Variants in FNDC3A observed in about 807,000 individuals in gnomAD.
FNDC3A encodes fibronectin type-III domain-containing protein 3A.
Under a neutral mutation model 148.9 loss-of-function variants are expected in FNDC3A, and 32 were observed. The ratio of observed to expected loss-of-function variants is 0.21; its 90% CI spans 0.16 to 0.29. The LOEUF is 0.29. Ranked by LOEUF, FNDC3A falls within the 10% of genes least tolerant of loss-of-function variation. FNDC3A has a pLI of 1.00. For synonymous variants in FNDC3A, 472 were observed against 473.6 expected (o/e 1.00, Z 0.04); for missense variants, 1,191 against 1,452.8 (o/e 0.82, Z 2.93).
intron 2 of FNDC3A, among the ~76,000 whole-genome samples, chr13:49,070,889 TTTTTGTTTTG>T (rs1566230739): frequency 2.8e-5 from 4 of 145,064 alleles, no homozygotes; most frequent in Non-Finnish European, 6.1e-5. Context: ...TTCTTTTTTT[TTTTTGTTTTG>T]TTTTTTTTCT....
chr13:49,017,109 C>G (rs988142776), intron 2 of FNDC3A, among the ~76,000 whole-genome samples: 1 of 152,082 alleles, frequency 6.6e-6, no homozygotes, highest in African/African-American at 2.4e-5. Flanking sequence ...CTGCAGATGT[C>G]TATTAGGTCT....
intron 2 of FNDC3A, among the ~76,000 whole-genome samples, chr13:49,033,315 A>G (rs992932140): frequency 6.6e-6 from 1 of 152,214 alleles, no homozygotes; most frequent in Non-Finnish European, 1.5e-5. Context: ...GTCATGTACA[A>G]CAGTAAGCCT....
chr13:49,008,981 T>C (rs1952281017), intron 2 of FNDC3A, among the ~76,000 whole-genome samples: 2 of 152,166 alleles, frequency 1.3e-5, no homozygotes, highest in Admixed American at 6.5e-5. Flanking sequence ...CCAGTATTGA[T>C]GCGTTATTAT....
intron 2 of FNDC3A, among the ~76,000 whole-genome samples, chr13:49,064,038 G>A (rs1877081945): frequency 6.6e-6 from 1 of 152,090 alleles, no homozygotes; most frequent in Non-Finnish European, 1.5e-5. Flanking sequence ...ACAGGTAAAG[G>A]ACATCAATAA....
intron 2 of FNDC3A, among the ~76,000 whole-genome samples, chr13:49,061,388 C>G: frequency 6.1e-5 from 1 of 16,302 alleles, no homozygotes; most frequent in Admixed American, 4.9e-4. Context: ...CCTTCCCTTC[C>G]CTTCCCTCCC....
At chr13:49,115,750 A>G (rs992899967) in intron 4 of FNDC3A, among the ~76,000 whole-genome samples, 8 of 152,082 alleles carry the variant, frequency 5.3e-5, no homozygotes, top group Non-Finnish European at 1.0e-4. Context: ...TCTACTAACT[A>G]TCTCTACTTT....
At position 49,207,131 on chromosome 13, in the gene FNDC3A, C is replaced by T. The variant is rs147894382; in HGVS notation, c.3333C>T (p.Asn1111=). The T allele has an allele frequency of 1.2e-6, 2 of 1,614,182 alleles. No homozygotes were observed. Among genetic ancestry groups the T allele is most frequent in the African/African-American group, 2.7e-5 (2 of 75,058 alleles). The part of the protein sequence containing the change: ...SSFRYSSLQL[N]CEYRFRVCAI... The stretch of plus-strand genomic sequence containing the variant: ...TCCGGTATTCCAGCCTTCAGCTGAA[C>T]TGTGAATATCGCTTCCGTGTATGTG... Residue 1111 remains asparagine, a synonymous_variant, in exon 26 of 26, where the codon AAC becomes AAT. Transcript: ENST00000492622.
chr13:49,074,955 CATG>C (rs1351329983), intron 2 of FNDC3A, among the ~76,000 whole-genome samples: 1 of 152,114 alleles, frequency 6.6e-6, no homozygotes, highest in African/African-American at 2.4e-5. Context: ...TTTAGAAAAA[CATG>C]ATACTTAGCA....
chr13:49,137,234 T>G (rs1388071567), intron 6 of FNDC3A, among the ~76,000 whole-genome samples: 1 of 152,194 alleles, frequency 6.6e-6, no homozygotes, highest in African/African-American at 2.4e-5. Flanking sequence ...GGATAGAGTA[T>G]TTTTCATTTC....
chr13:49,189,479 C>G (rs902897951), intron 17 of FNDC3A, among the ~76,000 whole-genome samples: 1 of 152,044 alleles, frequency 6.6e-6, no homozygotes, highest in Non-Finnish European at 1.5e-5. Flanking sequence ...CCGCACCCGG[C>G]CAAGTGATTT....
chr13:48,999,624 AT>A (rs1593453266), intron 1 of FNDC3A, among the ~76,000 whole-genome samples: 1 of 152,132 alleles, frequency 6.6e-6, no homozygotes, highest in Admixed American at 6.5e-5. Flanking sequence ...TATAGACTGA[AT>A]ATTAGTGTCT....
At chr13:49,197,365 G>C (rs975690442) in intron 20 of FNDC3A, among the ~76,000 whole-genome samples, 10 of 151,022 alleles carry the variant, frequency 6.6e-5, no homozygotes, top group African/African-American at 2.4e-4. Flanking sequence ...GTAATAATCA[G>C]TGATGATAAT....
At chr13:49,073,060 T>C (rs990819970) in intron 2 of FNDC3A, among the ~76,000 whole-genome samples, 12 of 152,206 alleles carry the variant, frequency 7.9e-5, no homozygotes, top group Admixed American at 3.3e-4. Context: ...ACATTTCAAG[T>C]GCTTGATAGC....
intron 2 of FNDC3A, among the ~76,000 whole-genome samples, chr13:49,038,339 C>T (rs1173603305): frequency 6.6e-6 from 1 of 152,146 alleles, no homozygotes; most frequent in Non-Finnish European, 1.5e-5. Context: ...CCTCTTCTAC[C>T]CACTATTTCC....
chr13:49,127,469 C>T (rs148813631), intron 4 of FNDC3A, among the ~76,000 whole-genome samples: 97 of 152,302 alleles, frequency 6.4e-4, no homozygotes, highest in African/African-American at 2.0e-3. Context: ...TCTTCAAGGT[C>T]ACAGTAATGT....
intron 3 of FNDC3A, among the ~76,000 whole-genome samples, chr13:49,089,638 G>C (rs1879054648): frequency 6.6e-6 from 1 of 152,218 alleles, no homozygotes; most frequent in South Asian, 2.1e-4. Context: ...CTACCCACCA[G>C]AAATGGGGAC....
chr13:49,023,318 A>G (rs1248287060), intron 2 of FNDC3A, among the ~76,000 whole-genome samples: 1 of 151,936 alleles, frequency 6.6e-6, no homozygotes, highest in Non-Finnish European at 1.5e-5. Context: ...AAAATTGGGC[A>G]AATTATTTTA....
chr13:49,066,375 T>C (rs1027419691), intron 2 of FNDC3A, among the ~76,000 whole-genome samples: 6 of 151,286 alleles, frequency 4.0e-5, no homozygotes, highest in Non-Finnish European at 7.4e-5. Context: ...CTCACCCTTA[T>C]AGTTCATTGC....
chr13:49,064,938 TGAATG>T (rs1172778563), intron 2 of FNDC3A, among the ~76,000 whole-genome samples: 1 of 152,212 alleles, frequency 6.6e-6, no homozygotes, highest in Non-Finnish European at 1.5e-5. Context: ...TATGTTATAA[TGAATG>T]AGTAGGTCTG....
Sources: gnomAD v4.1 joint callset for allele counts (sites outside exome capture counted in the v4.1 genomes callset) on GRCh38, gnomAD v4.1.1 for gene constraint, MANE v1.5 for transcripts, NCBI Gene and HGNC (gene_info 2026-07-23, HGNC 2026-07-21) for gene names.